The following CENPV variants were observed in gnomAD, a reference collection of about 807,000 sequenced individuals.
CENPV encodes the protein centromere protein V.
CENPV carries 15 observed loss-of-function variants against 26.4 expected under a neutral mutation model. That is an observed-to-expected ratio of 0.57 (90% confidence interval 0.38 to 0.88). CENPV has a LOEUF of 0.88. Ranked by LOEUF, CENPV falls within the 40% of genes least tolerant of loss-of-function variation. The pLI, the probability that CENPV is intolerant of heterozygous loss-of-function variation, is 0.00. For synonymous variants in CENPV, 172 were observed against 165.5 expected (o/e 1.04, Z -0.30); for missense variants, 336 against 376.5 (o/e 0.89, Z 0.89).
Position 16,353,467 on chromosome 17 carries a change from A to C in CENPV, c.-31T>G. The C allele has an allele frequency of 9.6e-7, 1 of 1,041,136 alleles. No homozygotes were observed. The highest frequency in any genetic ancestry group is 1.2e-6 in the Non-Finnish European group (1 of 868,786). 64.5% of individuals were successfully genotyped at this position (1,041,136 alleles called of 1,614,324 possible). On this transcript the variant is annotated 5_prime_UTR_variant, in exon 1 of 5. Coordinates refer to ENST00000299736, the MANE Select transcript of CENPV (RefSeq NM_181716.3). ...CCGCAGCCTGGCGCGCAGGCCTCGCAGCGCGGCGCGCCCCCGCCGGCCTGC... is the reference window on the plus strand; with the variant it reads ...CCGCAGCCTGGCGCGCAGGCCTCGCCGCGCGGCGCGCCCCCGCCGGCCTGC...
At chr17:16,347,517 TCTC>T (rs888106193) in intron 3 of CENPV, 1 of 120,504 alleles carries the variant, frequency 8.3e-6, no homozygotes, top group Non-Finnish European at 2.0e-5. Flanking sequence ...ATTTTCTTTC[TCTC>T]TTTTTTTTTA....
chr17:16,344,746 CA>C, intron 3 of CENPV, 35 bp from the exon 4 acceptor site: 1 of 1,187,392 alleles, frequency 8.4e-7, no homozygotes. Flanking sequence ...TTCTTTTTTA[CA>C]AAGAGATTTA....
intron 4 of CENPV, among the ~76,000 whole-genome samples, chr17:16,343,589 CAGAT>C (rs1483397981): frequency 3.3e-5 from 5 of 152,182 alleles, no homozygotes; most frequent in African/African-American, 1.2e-4. Context: ...TGCCTGGCCT[CAGAT>C]AGATAACTTT....
intron 2 of CENPV, chr17:16,349,671 A>G (rs898543838): frequency 8.1e-7 from 1 of 1,242,094 alleles, no homozygotes; most frequent in African/African-American, 1.6e-5. Context: ...TGTCAGTCTG[A>G]GGGTGATGCT....
chr17:16,348,659 T>G lies in CENPV; in HGVS notation c.536A>C (p.Asn179Thr). 2.5e-6 allele frequency: 4 copies of G among 1,614,098 alleles called. No homozygotes were observed. The highest frequency in any genetic ancestry group is 8.5e-7 in the Non-Finnish European group (1 of 1,179,948). The change falls in exon 3 of 5, where the codon AAT (asparagine) becomes ACT (threonine). Residue 179 changes from asparagine to threonine, a missense_variant. Around this residue, in one of 2 missense-constraint regions of CENPV, gnomAD observed 155 missense variants for 227.8 expected, o/e 0.68. Coordinates refer to ENST00000299736, the MANE Select transcript of CENPV (RefSeq NM_181716.3). The stretch of plus-strand genomic sequence containing the variant: ...AGAAGCTGGAACAATGAAGTGTCTA[T>G]TCTGCTTCTTCTTGCAAATGCTGCA... ...CNCSICKKKQ[N>T]RHFIVPASRF...
At chr17:16,352,194 C>A (rs886709816) in intron 1 of CENPV, among the ~76,000 whole-genome samples, 1 of 152,130 alleles carries the variant, frequency 6.6e-6, no homozygotes, top group Non-Finnish European at 1.5e-5. Context: ...AATATCAGGG[C>A]GTTAAAATAT....
chr17:16,348,372 G>T, intron 3 of CENPV: 2 of 887,118 alleles, frequency 2.3e-6, no homozygotes, highest in Non-Finnish European at 3.0e-6. Context: ...GGCCAGGCTG[G>T]TCCTCAACTC....
chr17:16,345,253 C>T (rs987400035), intron 3 of CENPV, among the ~76,000 whole-genome samples: 1 of 140,596 alleles, frequency 7.1e-6, no homozygotes, highest in Non-Finnish European at 1.5e-5. Context: ...CAGAGCGAGA[C>T]TCCGTCTCAA....
At chr17:16,347,404 C>T (rs1462986472) in intron 3 of CENPV, 1 of 152,190 alleles carries the variant, frequency 6.6e-6, no homozygotes, top group Non-Finnish European at 1.5e-5. Context: ...TGGTCCCAAG[C>T]CATCCAGCAT....
chr17:16,343,786 T>C (rs3112526), intron 4 of CENPV, among the ~76,000 whole-genome samples: 74,652 of 147,120 alleles, frequency 0.51, 19,538 homozygotes, highest in East Asian at 0.8. Context: ...CCCTGTCCGC[T>C]CCCCACCACC....
chr17:16,348,581 T>A (rs1263878703), intron 3 of CENPV, 35 bp downstream of exon 3: 2 of 1,613,290 alleles, frequency 1.2e-6, no homozygotes, highest in East Asian at 2.2e-5. Context: ...CACCAATGGG[T>A]TCTGCACTCC....
At chr17:16,348,906 G>C (rs2093218712) in intron 2 of CENPV, 1 of 1,337,480 alleles carries the variant, frequency 7.5e-7, no homozygotes, top group Admixed American at 3.1e-5. Flanking sequence ...GTTCTGCAAT[G>C]CTCAGAACAC....
chr17:16,352,697 G>C (rs533627960), intron 1 of CENPV, among the ~76,000 whole-genome samples: 3 of 152,206 alleles, frequency 2.0e-5, no homozygotes, highest in African/African-American at 7.2e-5. Flanking sequence ...CACACCCTTT[G>C]CGCGCCAGCA....
At chr17:16,343,308 C>G (rs940173929) in intron 4 of CENPV, among the ~76,000 whole-genome samples, 8 of 152,188 alleles carry the variant, frequency 5.3e-5, no homozygotes, top group Admixed American at 4.6e-4. Context: ...AATTCACAGG[C>G]CTTTCCTGTG....
At chr17:16,349,470 G>C (rs1437527925) in intron 2 of CENPV, 13 of 986,504 alleles carry the variant, frequency 1.3e-5, no homozygotes, top group Non-Finnish European at 1.6e-5. Context: ...ACAGCCAGCA[G>C]TGCCATCTGC....
intron 3 of CENPV, among the ~76,000 whole-genome samples, chr17:16,345,752 C>G (rs2093203934): frequency 2.0e-5 from 3 of 152,084 alleles, no homozygotes; most frequent in Admixed American, 2.0e-4. Flanking sequence ...CCTGATACAT[C>G]ACATCAGGGA....
intron 3 of CENPV, among the ~76,000 whole-genome samples, chr17:16,346,571 T>C (rs972447536): frequency 6.6e-6 from 1 of 152,026 alleles, no homozygotes; most frequent in Non-Finnish European, 1.5e-5. Flanking sequence ...GCCAACATGG[T>C]GAAACCCTGT....
intron 2 of CENPV, 95 bp downstream of exon 2, chr17:16,349,836 T>G: frequency 1.3e-6 from 2 of 1,520,522 alleles, no homozygotes; most frequent in Non-Finnish European, 1.8e-6. Flanking sequence ...AAGGCCAATG[T>G]TTCCTCTGTA....
Position 16,347,451 on chromosome 17 carries a change from T to C in CENPV, c.579+1165A>G, listed in dbSNP as rs572469126. On this transcript the variant is annotated intron_variant, in intron 3 of 4. Transcript: ENST00000299736. ...AATTAAAGCCCCGCCCAACCCCACA[T>C]TACCCATAATGTGCTAAAAGTCTTT... 1.1e-4 allele frequency: 16 copies of C among 152,236 alleles called. No homozygotes were observed. The South Asian group carries it at 3.1e-3, about 30-fold the overall frequency. The allele number at this position is 152,236 out of a possible 1,614,324, so 9.4% of individuals were successfully genotyped here. A position where few individuals can be genotyped will look rare whatever the true frequency, so the allele number is the denominator to read the frequency against.
Sources: allele counts gnomAD v4.1 joint callset (sites outside exome capture counted in the v4.1 genomes callset), GRCh38; gene constraint gnomAD v4.1.1; regional missense constraint gnomAD v4.1.1; transcripts MANE v1.5; gene names NCBI Gene and HGNC (gene_info 2026-07-23, HGNC 2026-07-21).